Variants in CHMP5 observed in about 807,000 individuals in gnomAD.
CHMP5 encodes SNF7 domain containing 2.
CHMP5 carries 17 observed loss-of-function variants against 33.0 expected under a neutral mutation model. That is an observed-to-expected ratio of 0.52 (90% CI 0.35 to 0.77). The LOEUF is 0.77. Among genes scored for constraint, CHMP5 ranks in the 30% least tolerant of loss-of-function variants. The probability of loss-of-function intolerance (pLI) is 0.01; values close to 1 mark genes in which losing one functional copy is unlikely to be tolerated. For missense variants in CHMP5, 216 were observed against 261.5 expected (o/e 0.83, Z 1.20); for synonymous variants, 76 against 90.2 (o/e 0.84, Z 0.89).
At chr9:33,275,524 G>T (rs1820843028) in intron 5 of CHMP5, among the ~76,000 whole-genome samples, 2 of 152,156 alleles carry the variant, frequency 1.3e-5, no homozygotes. Flanking sequence ...AGTGTAATCT[G>T]TCTTTCGCTG....
At chr9:33,272,847 C>T (rs1183149736) in intron 5 of CHMP5, among the ~76,000 whole-genome samples, 2 of 152,006 alleles carry the variant, frequency 1.3e-5, no homozygotes, top group African/African-American at 4.8e-5. Context: ...CTTATTTTTT[C>T]AAGCATCCCT....
intron 7 of CHMP5, among the ~76,000 whole-genome samples, chr9:33,280,604 C>CTT (rs1299309236): frequency 6.6e-6 from 1 of 152,220 alleles, no homozygotes; most frequent in Non-Finnish European, 1.5e-5. Flanking sequence ...GAGGAGCCCC[C>CTT]TTTTGGCCCT....
At chr9:33,265,413 C>T (rs1258552189) in intron 1 of CHMP5, among the ~76,000 whole-genome samples, 2 of 152,106 alleles carry the variant, frequency 1.3e-5, no homozygotes, top group African/African-American at 4.8e-5. Flanking sequence ...CACTCGCTCT[C>T]GCCTTGATCC....
In CHMP5 at chr9:33,266,124, G is replaced by A. The variant is rs1346480332; in HGVS notation, c.174+10G>A. 1.3e-6 allele frequency: 2 copies of A among 1,572,558 alleles called. No homozygotes were observed. The highest frequency in any genetic ancestry group is 1.7e-6 in the Non-Finnish European group (2 of 1,143,080). ...AGAGGGTCCTGCAAAGGTAAGGTGG[G>A]CAGCAACTGCTGCACAAGGTGCTGG... is the stretch of plus-strand genomic sequence containing the variant. On this transcript the variant is annotated intron_variant, in intron 2 of 7. Transcript: ENST00000223500.
chr9:33,270,570 T>TG (rs1820782004), intron 3 of CHMP5, 53 bp from the exon 4 acceptor site: 9 of 1,375,864 alleles, frequency 6.5e-6, no homozygotes, highest in Non-Finnish European at 9.3e-6. Flanking sequence ...ACTTTGTTCT[T>TG]GAGGATTTCT....
At chr9:33,265,287 C>T in intron 1 of CHMP5, 140 bp downstream of exon 1, 1 of 772,004 alleles carries the variant, frequency 1.3e-6, no homozygotes, top group Non-Finnish European at 2.2e-6. Flanking sequence ...ATCTCACCTT[C>T]TCCCCTTCAT....
chr9:33,280,395 G>A (rs1820908232), intron 7 of CHMP5, among the ~76,000 whole-genome samples: 1 of 152,234 alleles, frequency 6.6e-6, no homozygotes, highest in African/African-American at 2.4e-5. Flanking sequence ...TGATATGGAA[G>A]TGACTGCCTA....
Position 33,276,552 on chromosome 9 carries a change from G to T in CHMP5, c.484G>T (p.Asp162Tyr). 1 of 1,595,202 alleles carries T rather than the reference G, an allele frequency of 6.3e-7. No individual in the cohort carries two copies. Among genetic ancestry groups the T allele is most frequent in the Non-Finnish European group, 8.6e-7 (1 of 1,163,936 alleles). ...SYGTPELDED[D>Y]LEAELDALGD... ...TGGCACCCCAGAACTGGATGAAGAT[G>T]ATTTAGAAGCAGGTAAGTTATGAGA... The change falls in exon 6 of 8, where the codon GAT becomes TAT. Residue 162 changes from aspartate to tyrosine, a missense_variant. Coordinates refer to ENST00000223500, the MANE Select transcript of CHMP5 (RefSeq NM_016410.6).
rs1413875582 is a variant in CHMP5, at chr9:33,265,900, C to T, written c.70-110C>T. The T allele has an allele frequency of 1.9e-5, 12 of 620,660 alleles. No homozygotes were observed. In the South Asian group the frequency reaches 2.1e-4, roughly 11 times the overall value. 38.4% of individuals were successfully genotyped at this position (620,660 alleles called of 1,614,324 possible). ...TCTTTGTGAACCACTGTTTTTCACC[C>T]TTCCCCTTAAGCTCCTCTTTTCTTC... On this transcript the variant is annotated intron_variant, in intron 1 of 7. Transcript: ENST00000223500.
chr9:33,279,136 A>C (rs1452379662), intron 7 of CHMP5, among the ~76,000 whole-genome samples: 5 of 152,066 alleles, frequency 3.3e-5, no homozygotes, highest in African/African-American at 9.7e-5. Context: ...TGTTGGCCAG[A>C]CTGGTCTCAA....
chr9:33,272,393 CAA>C (rs10710870), intron 5 of CHMP5, among the ~76,000 whole-genome samples: 1,417 of 125,022 alleles, frequency 0.011, 9 homozygotes, highest in Non-Finnish European at 0.014. Context: ...GGAGATAAAG[CAA>C]AAAAAAAAAA....
chr9:33,266,389 T>C (rs951781260), intron 2 of CHMP5, among the ~76,000 whole-genome samples: 2 of 152,158 alleles, frequency 1.3e-5, no homozygotes, highest in Admixed American at 1.3e-4. Context: ...GGAGAATCGC[T>C]TGAACCTGGG....
At chr9:33,267,770 T>C in intron 2 of CHMP5, 83 bp from the exon 3 acceptor site, 2 of 838,708 alleles carry the variant, frequency 2.4e-6, no homozygotes, top group Non-Finnish European at 4.1e-6. Context: ...GAAGTAGGCA[T>C]GTGAGTTTGA....
rs148203935 is a variant in CHMP5 at position 33,278,153 on chromosome 9, C to T, written c.537C>T (p.Asp179=). Reference sequence around the variant, plus strand: ...GTGATGAGCTTCTGGCTGATGAAGACAGTTCTTATTTGGATGAGGCAGCAT... The same window carrying T: ...GTGATGAGCTTCTGGCTGATGAAGATAGTTCTTATTTGGATGAGGCAGCAT... The part of the protein sequence containing the change: ...ALGDELLADE[D]SSYLDEAASA... Residue 179 remains aspartate (D), a synonymous_variant, in exon 7 of 8, where the codon GAC becomes GAT. Coordinates refer to ENST00000223500, the MANE Select transcript of CHMP5 (RefSeq NM_016410.6). The T allele has an allele frequency of 8.0e-5, 129 of 1,613,044 alleles. No homozygotes were observed. The African/African-American group carries it at 1.3e-3, about 17-fold the overall frequency.
At position 33,275,547 on chromosome 9, in the gene CHMP5, T is replaced by G. The variant is rs1215039538; in HGVS notation, c.388-909T>G. 5.3e-5 allele frequency among the ~76,000 whole-genome samples: 8 copies of G among 152,362 alleles called. No homozygotes were observed. In the South Asian group the frequency reaches 1.4e-3, roughly 28 times the overall value. Reference sequence around the variant, plus strand: ...CTGTCTTTCGCTGACTTGAGAAGAATAATTTGCTTGTCTCAGTAACCTCCC... The same window carrying G: ...CTGTCTTTCGCTGACTTGAGAAGAAGAATTTGCTTGTCTCAGTAACCTCCC... On this transcript the variant is annotated intron_variant, in intron 5 of 7. Coordinates refer to ENST00000223500, the MANE Select transcript of CHMP5 (RefSeq NM_016410.6).
At chr9:33,274,173 T>G (rs1820826805) in intron 5 of CHMP5, among the ~76,000 whole-genome samples, 1 of 152,080 alleles carries the variant, frequency 6.6e-6, no homozygotes, top group South Asian at 2.1e-4. Context: ...CCTCCCAGGC[T>G]CAAGCCATCC....
At chr9:33,268,930 C>G (rs114339176) in intron 3 of CHMP5, among the ~76,000 whole-genome samples, 1,564 of 152,142 alleles carry the variant, frequency 0.01, 30 homozygotes, top group African/African-American at 0.035. Flanking sequence ...TTTCCTTTTC[C>G]ACTTAATGTT....
intron 5 of CHMP5, among the ~76,000 whole-genome samples, chr9:33,273,406 T>C (rs1820817960): frequency 1.3e-5 from 2 of 152,210 alleles, no homozygotes; most frequent in South Asian, 4.1e-4. Context: ...TCTTGGTGAA[T>C]GCTTTGTATG....
intron 4 of CHMP5, 96 bp from the exon 5 acceptor site, chr9:33,271,056 A>G: frequency 1.0e-6 from 1 of 973,664 alleles, no homozygotes; most frequent in Non-Finnish European, 1.6e-6. Flanking sequence ...GGGCAGCAAG[A>G]GTGCAACTCT....
Sources: gnomAD v4.1 joint callset for allele counts (sites outside exome capture counted in the v4.1 genomes callset) on GRCh38, gnomAD v4.1.1 for gene constraint, MANE v1.5 for transcripts, NCBI Gene and HGNC (gene_info 2026-07-23, HGNC 2026-07-21) for gene names.